Variants in LRRC4C observed in about 807,000 individuals in gnomAD.
LRRC4C encodes leucine rich repeat containing 4C, also known as leucine-rich repeat-containing protein 4C.
In LRRC4C, 5 loss-of-function variants were observed where a neutral mutation model predicts 33.6. That is an observed-to-expected ratio of 0.15 (90% CI 0.08 to 0.31). The LOEUF is 0.31. Ranked by LOEUF, LRRC4C falls within the 10% of genes least tolerant of loss-of-function variation. The probability of loss-of-function intolerance (pLI) is 1.00; values close to 1 mark genes in which losing one functional copy is unlikely to be tolerated. For synonymous variants in LRRC4C, 329 were observed against 302.0 expected, an observed-to-expected ratio of 1.09 and a Z score of -0.93; for missense variants, 560 against 796.7, an observed-to-expected ratio of 0.70 and a Z score of 3.58.
chr11:40,798,461 A>G (rs73468717), intron 2 of LRRC4C, among the ~76,000 whole-genome samples: 1,698 of 152,264 alleles, frequency 0.011, 33 homozygotes, highest in African/African-American at 0.039. Flanking sequence ...GGAATTTGAA[A>G]GTTATTAGTA....
chr11:40,615,265 T>TATATATATATAC (rs1490740198), intron 3 of LRRC4C, among the ~76,000 whole-genome samples: 93 of 53,418 alleles, frequency 1.7e-3, no homozygotes, highest in South Asian at 2.6e-3. Context: ...TATATATATA[T>TATATATATATAC]ACACACACAC....
chr11:40,270,852 G>A (rs1942642508), intron 4 of LRRC4C, among the ~76,000 whole-genome samples: 1 of 152,168 alleles, frequency 6.6e-6, no homozygotes, highest in African/African-American at 2.4e-5. Flanking sequence ...GAATGACATT[G>A]AGAGTTATCA....
chr11:41,205,454 T>C (rs190565872), intron 1 of LRRC4C, among the ~76,000 whole-genome samples: 2 of 152,278 alleles, frequency 1.3e-5, no homozygotes, highest in East Asian at 3.9e-4. Flanking sequence ...TGAACCATTA[T>C]ACCAGATAAA....
chr11:41,449,845 C>G (rs917143618), intron 1 of LRRC4C, among the ~76,000 whole-genome samples: 1 of 151,386 alleles, frequency 6.6e-6, no homozygotes, highest in African/African-American at 2.4e-5. Flanking sequence ...TTCAAATAGT[C>G]TCCCTTTTGC....
At chr11:41,214,460 G>A (rs545972845) in intron 1 of LRRC4C, among the ~76,000 whole-genome samples, 4 of 150,766 alleles carry the variant, frequency 2.7e-5, no homozygotes, top group South Asian at 2.1e-4. Context: ...ATGCAGGCGC[G>A]ATGGCTCACG....
At chr11:40,465,451 C>T (rs1952604901) in intron 3 of LRRC4C, among the ~76,000 whole-genome samples, 1 of 151,268 alleles carries the variant, frequency 6.6e-6, no homozygotes, top group South Asian at 2.1e-4. Context: ...AAACCAAAAA[C>T]ATTTAATTAA....
chr11:40,333,304 A>C (rs1158756173), intron 3 of LRRC4C, among the ~76,000 whole-genome samples: 2 of 152,196 alleles, frequency 1.3e-5, no homozygotes, highest in African/African-American at 4.8e-5. Flanking sequence ...CATATTTGTG[A>C]GATGCTACAA....
chr11:41,417,203 C>G (rs1954714487), intron 1 of LRRC4C, among the ~76,000 whole-genome samples: 1 of 151,998 alleles, frequency 6.6e-6, no homozygotes, highest in African/African-American at 2.4e-5. Flanking sequence ...TCAGTGACAA[C>G]ACTTAATGCC....
At chr11:40,872,382 T>G (rs1954694751) in intron 2 of LRRC4C, among the ~76,000 whole-genome samples, 1 of 152,118 alleles carries the variant, frequency 6.6e-6, no homozygotes, top group Admixed American at 6.6e-5. Flanking sequence ...GAACAGTTTA[T>G]GAGCTCATTA....
At chr11:40,644,559 T>C (rs1489804513) in intron 3 of LRRC4C, among the ~76,000 whole-genome samples, 1 of 152,180 alleles carries the variant, frequency 6.6e-6, no homozygotes, top group Non-Finnish European at 1.5e-5. Flanking sequence ...CAAACTGTGG[T>C]ATATGCTTAC....
chr11:41,316,359 C>A (rs76113811), intron 1 of LRRC4C, among the ~76,000 whole-genome samples: 10,740 of 151,218 alleles, frequency 0.071, 530 homozygotes, highest in South Asian at 0.16. Context: ...TGAAGCCTAC[C>A]CTATCTTTGG....
intron 1 of LRRC4C, among the ~76,000 whole-genome samples, chr11:41,262,785 G>T (rs887250302): frequency 5.9e-5 from 9 of 152,030 alleles, no homozygotes; most frequent in Non-Finnish European, 1.0e-4. Flanking sequence ...CTATTAGCAA[G>T]AATAAAATAG....
chr11:41,292,415 T>C lies in LRRC4C; in HGVS notation c.-496+167016A>G, dbSNP rs558515843. Among the ~76,000 whole-genome samples, 328 of 150,950 alleles carry C rather than the reference T, an allele frequency of 2.2e-3. 1 individual carries two copies. The highest frequency in any genetic ancestry group is 7.6e-3 in the African/African-American group (314 of 41,232). On this transcript the variant is annotated intron_variant, in intron 1 of 6. Coordinates refer to ENST00000528697, the MANE Select transcript of LRRC4C (RefSeq NM_001258419.2). Reference sequence around the variant, plus strand: ...CAATAAACAGCAGCGTAAAAAAAAATGTATATATATAGAAGCCATTGAGAT... The same window carrying C: ...CAATAAACAGCAGCGTAAAAAAAAACGTATATATATAGAAGCCATTGAGAT...
At chr11:40,991,662 G>A (rs1031288503) in intron 1 of LRRC4C, among the ~76,000 whole-genome samples, 10 of 152,216 alleles carry the variant, frequency 6.6e-5, no homozygotes, top group African/African-American at 2.4e-4. Context: ...GGGGTGATGG[G>A]AGACAGTGAC....
Position 40,133,764 on chromosome 11 carries a change from T to G in LRRC4C, c.-43+7037A>C, listed in dbSNP as rs1856800796. On this transcript the variant is annotated intron_variant, in intron 6 of 6. Transcript: ENST00000528697. ...GAGAGAACCAGTGAGGCTTGAGCAATCAGTGAAAGGTATGTGGACAGTGGA... is the reference window on the plus strand; with the variant it reads ...GAGAGAACCAGTGAGGCTTGAGCAAGCAGTGAAAGGTATGTGGACAGTGGA... 2.0e-5 allele frequency among the ~76,000 whole-genome samples: 3 copies of G among 152,174 alleles called. No individual in the cohort carries two copies. The South Asian group carries it at 6.2e-4, about 32-fold the overall frequency.
chr11:41,160,391 A>AT (rs1368454532), intron 1 of LRRC4C, among the ~76,000 whole-genome samples: 1 of 151,958 alleles, frequency 6.6e-6, no homozygotes, highest in Non-Finnish European at 1.5e-5. Flanking sequence ...AAAAAAAAAA[A>AT]AAAAATACAT....
intron 4 of LRRC4C, among the ~76,000 whole-genome samples, chr11:40,249,162 AC>A (rs1293188534): frequency 2.0e-5 from 3 of 151,906 alleles, no homozygotes; most frequent in Non-Finnish European, 4.4e-5. Context: ...ACATGGTGAA[AC>A]CCCATCTCTA....
rs371413523 is a variant in LRRC4C, at chr11:40,584,177, CATAT to C, written c.-270+63961_-270+63964del. On this transcript the variant is annotated intron_variant, in intron 3 of 6. Transcript: ENST00000528697. ...AGTATACACACACACACGCACACTT[CATAT>C]ATATATATATATATATATATATATG... Among the ~76,000 whole-genome samples, 228 of 71,268 alleles carry C rather than the reference CATAT, an allele frequency of 3.2e-3. 15 individuals carry two copies. The highest frequency in any genetic ancestry group is 9.9e-3 in the African/African-American group (196 of 19,746). 46.8% of individuals were successfully genotyped at this position (71,268 alleles called of 152,430 possible).
chr11:41,187,267 G>A (rs777398495), intron 1 of LRRC4C, among the ~76,000 whole-genome samples: 1 of 152,158 alleles, frequency 6.6e-6, no homozygotes, highest in Non-Finnish European at 1.5e-5. Flanking sequence ...CCCCCATTAT[G>A]TGTCTGTACA....
Sources: gnomAD v4.1 joint callset for allele counts (sites outside exome capture counted in the v4.1 genomes callset) on GRCh38, gnomAD v4.1.1 for gene constraint, MANE v1.5 for transcripts, NCBI Gene and HGNC (gene_info 2026-07-23, HGNC 2026-07-21) for gene names.